GNL3L: variants seen among roughly 807,000 people sequenced by gnomAD.
GNL3L encodes the protein G protein nucleolar 3 like.
Under a neutral mutation model 42.9 loss-of-function variants are expected in GNL3L, and 4 were observed. The observed-to-expected ratio is 0.09, with a 90% confidence interval of 0.05 to 0.21. The LOEUF (loss-of-function observed/expected upper bound fraction) is 0.21, where lower values mean the gene tolerates loss of function less well. Ranked by LOEUF, GNL3L falls within the 10% of genes least tolerant of loss-of-function variation. The pLI is 1.00. For synonymous variants in GNL3L, 159 were observed against 176.3 expected, an observed-to-expected ratio of 0.90 and a Z score of 0.78; for missense variants, 412 against 481.7, an observed-to-expected ratio of 0.86 and a Z score of 1.36.
chrX:54,640,413 T>G, the GNL3L span, among the ~76,000 whole-genome samples: 2 of 111,777 alleles, frequency 1.8e-5, no homozygotes, highest in Admixed American at 1.9e-4. Context: ...GCAGTCAGAG[T>G]GTACACACAA....
At chrX:54,619,509 T>C (rs1020551755) in intron 16 of GNL3L, among the ~76,000 whole-genome samples, 1 of 89,942 alleles carries the variant, frequency 1.1e-5, no homozygotes, top group African/African-American at 6.0e-5. Context: ...TTATACATTC[T>C]GTTTTGCGCA....
In GNL3L at chrX:54,543,252, G is replaced by C; in HGVS notation, c.436G>C (p.Asp146His). 8.3e-7 allele frequency: 1 copy of C among 1,207,926 alleles called. No individual in the cohort carries two copies. The highest frequency in any genetic ancestry group is 1.1e-6 in the Non-Finnish European group (1 of 892,384). Residue 146 changes from aspartate to histidine, a missense_variant, in exon 7 of 16, where the codon GAC becomes CAC. Physicochemically the swap from Asp to His is moderately conservative, Grantham distance 81. Coordinates refer to ENST00000360845, the MANE Select transcript of GNL3L (RefSeq NM_001184819.2). ...GATTCTGGAAGTCCTGGATGCCAGAGACCCATTAGGCTGCCGCTGCTTCCA... is the reference window on the plus strand; with the variant it reads ...GATTCTGGAAGTCCTGGATGCCAGACACCCATTAGGCTGCCGCTGCTTCCA... ...DVILEVLDAR[D>H]PLGCRCFQME...
At chrX:54,615,506 GCAC>G (rs1926210660) in intron 16 of GNL3L, among the ~76,000 whole-genome samples, 1 of 111,701 alleles carries the variant, frequency 9.0e-6, no homozygotes, top group African/African-American at 3.3e-5. Context: ...GTTTTTCACA[GCAC>G]CTTATATGTA....
chrX:54,607,084 TCTTTC>T, intron 16 of GNL3L, among the ~76,000 whole-genome samples: 1 of 49,174 alleles, frequency 2.0e-5, no homozygotes, highest in Non-Finnish European at 3.5e-5. Flanking sequence ...CTTTCTTTCT[TCTTTC>T]TTTCTTTCTT....
chrX:54,630,720 C>CT, the GNL3L span, among the ~76,000 whole-genome samples: 111 of 73,727 alleles, frequency 1.5e-3, 3 homozygotes, highest in African/African-American at 8.5e-3. Context: ...TTCTTTCTTT[C>CT]TTTCTTTCTT....
chrX:54,620,225 CTTTCTA>C (rs751786320), intron 16 of GNL3L, among the ~76,000 whole-genome samples: 1 of 111,117 alleles, frequency 9.0e-6, no homozygotes, highest in Non-Finnish European at 1.9e-5. Context: ...CTTATTCATT[CTTTCTA>C]TTTTTATTTT....
rs1176401233 is a variant in GNL3L at position 54,565,151 on chromosome X, T to C, written c.*4549T>C. Among the ~76,000 whole-genome samples the C allele has an allele frequency of 1.8e-5, 2 of 112,126 alleles. No individual in the cohort carries two copies. The highest frequency in any genetic ancestry group is 6.5e-5 in the African/African-American group (2 of 30,887). ...TTTGAGATTCATCCATATTTCTCAG[T>C]ATATTAATAGTTCTTATTTCTGAGT... On this transcript the variant is annotated 3_prime_UTR_variant, in exon 16 of 16. Coordinates refer to ENST00000360845, the MANE Select transcript of GNL3L (RefSeq NM_001184819.2).
intron 5 of GNL3L, among the ~76,000 whole-genome samples, 172 bp from the exon 6 acceptor site, chrX:54,542,783 C>T (rs946914494): frequency 1.9e-4 from 21 of 111,396 alleles, no homozygotes; most frequent in Admixed American, 1.2e-3. Context: ...TTTTAATGAT[C>T]GCCATTCTAA....
intron 16 of GNL3L, among the ~76,000 whole-genome samples, chrX:54,603,689 A>C (rs1926027724): frequency 9.0e-6 from 1 of 111,113 alleles, no homozygotes; most frequent in Non-Finnish European, 1.9e-5. Context: ...CATCAGACAA[A>C]TCTTAACGTT....
At position 54,552,411 on chromosome X, in the gene GNL3L, A is replaced by G. The variant is rs1472111441; in HGVS notation, c.1301A>G (p.Asn434Ser). 6 of 1,209,049 alleles carry G rather than the reference A, an allele frequency of 5.0e-6. No homozygotes were observed. Among genetic ancestry groups the G allele is most frequent in the African/African-American group, 3.5e-5 (2 of 57,179 alleles). The change falls in exon 13 of 16, where the codon AAT (asparagine) becomes AGT (serine). Residue 434 changes from asparagine to serine, a missense_variant. Physicochemically the swap from Asn to Ser is conservative, Grantham distance 46. Transcript: ENST00000360845. ...VFDIEDTEQA[N>S]EDTMECLATG... Reference sequence around the variant, plus strand: ...GACATCGAGGATACTGAGCAGGCCAATGAAGACACCATGGAATGTAAGTGT... The same window carrying G: ...GACATCGAGGATACTGAGCAGGCCAGTGAAGACACCATGGAATGTAAGTGT...
chrX:54,565,064 A>G lies in GNL3L; in HGVS notation c.*4462A>G, dbSNP rs1241451008. ...ATTTTCGTCTTTTGAAGACTGTTAT[A>G]TACATGAAATTATATGGTATGTAGC... On this transcript the variant is annotated 3_prime_UTR_variant, in exon 16 of 16. Coordinates refer to ENST00000360845, the MANE Select transcript of GNL3L (RefSeq NM_001184819.2). Among the ~76,000 whole-genome samples, 3 of 111,328 alleles carry G rather than the reference A, an allele frequency of 2.7e-5. No homozygotes were observed. Among genetic ancestry groups the G allele is most frequent in the Non-Finnish European group, 3.8e-5 (2 of 53,120 alleles).
At chrX:54,586,014 C>A (rs1415663964) in intron 16 of GNL3L, among the ~76,000 whole-genome samples, 1 of 111,570 alleles carries the variant, frequency 9.0e-6, no homozygotes, top group East Asian at 2.8e-4. Flanking sequence ...TCCTACTACC[C>A]TTCTCCACTA....
intron 10 of GNL3L, 67 bp downstream of exon 10, chrX:54,551,117 C>A: frequency 3.3e-6 from 2 of 611,138 alleles, no homozygotes. Context: ...AACTCCCATG[C>A]CTTCAGCCCC....
the GNL3L span, among the ~76,000 whole-genome samples, chrX:54,630,701 T>TTCCTTCCTTC: frequency 0.017 from 359 of 20,600 alleles, 7 homozygotes; most frequent in Admixed American, 0.067. Context: ...TTCCTTCCTT[T>TTCCTTCCTTC]CTTTCTTTTT....
chrX:54,576,201 C>G (rs187168615), intron 16 of GNL3L, among the ~76,000 whole-genome samples: 126 of 111,898 alleles, frequency 1.1e-3, no homozygotes, highest in African/African-American at 3.7e-3. Context: ...TTTGGAAAAT[C>G]TGTTAGATGG....
chrX:54,541,531 G>C (rs1338192855), intron 5 of GNL3L, 142 bp downstream of exon 5: 7 of 318,659 alleles, frequency 2.2e-5, no homozygotes, highest in Middle Eastern at 6.3e-4. Flanking sequence ...GGGGACGGAC[G>C]AAGGGAGGGA....
chrX:54,640,876 AG>A, the GNL3L span, among the ~76,000 whole-genome samples: 11 of 111,852 alleles, frequency 9.8e-5, no homozygotes, highest in African/African-American at 3.6e-4. Context: ...CTTTGGGGCA[AG>A]GCAAACACAC....
At position 54,601,781 on chromosome X, in the gene GNL3L, T is replaced by C. The variant is rs146175708; in HGVS notation, c.*46-19064T>C. On this transcript the variant is annotated intron_variant, in intron 16 of 16. Transcript: ENST00000674498. ...GTCATGCCCTTTCCTCATTTCTAAA[T>C]TCTGACAACCACTGGTCTGTTTTCT... Among the ~76,000 whole-genome samples, 103 of 111,748 alleles carry C rather than the reference T, an allele frequency of 9.2e-4. No homozygotes were observed. In the East Asian group the frequency reaches 0.027, roughly 29 times the overall value.
At chrX:54,636,178 A>C in the GNL3L span, among the ~76,000 whole-genome samples, 1 of 112,024 alleles carries the variant, frequency 8.9e-6, no homozygotes, top group East Asian at 2.8e-4. Context: ...GCCCCAAGGC[A>C]GGTTAGAACA....
Sources: gnomAD v4.1 joint callset for allele counts (sites outside exome capture counted in the v4.1 genomes callset) on GRCh38, gnomAD v4.1.1 for gene constraint, MANE v1.5 for transcripts, NCBI Gene and HGNC (gene_info 2026-07-23, HGNC 2026-07-21) for gene names.